ABI3BP: variants seen among roughly 807,000 people sequenced by gnomAD.
ABI3BP encodes ABI family member 3 binding protein.
In ABI3BP, 216 loss-of-function variants were observed where a neutral mutation model predicts 268.6. That is an observed-to-expected ratio of 0.80 (90% CI 0.72 to 0.90). The LOEUF is 0.90. Ranked by LOEUF, ABI3BP falls within the 40% of genes least tolerant of loss-of-function variation. ABI3BP has a pLI of 0.00. For missense variants in ABI3BP, 2,090 were observed against 2,182.4 expected, an observed-to-expected ratio of 0.96 and a Z score of 0.84; for synonymous variants, 730 against 730.0, an observed-to-expected ratio of 1.00 and a Z score of 0.00.
intron 1 of ABI3BP, among the ~76,000 whole-genome samples, chr3:100,943,251 T>C (rs2070367549): frequency 6.6e-6 from 1 of 152,128 alleles, no homozygotes; most frequent in Non-Finnish European, 1.5e-5. Context: ...TCATTTATCA[T>C]GTACATTTCC....
At position 100,851,940 on chromosome 3, in the gene ABI3BP, G is replaced by C. The variant is rs776202974; in HGVS notation, c.1286C>G (p.Ala429Gly). 7 of 1,398,836 alleles carry C rather than the reference G, an allele frequency of 5.0e-6. No homozygotes were observed. Among genetic ancestry groups the C allele is most frequent in the Non-Finnish European group, 5.7e-6 (6 of 1,046,418 alleles). 86.7% of individuals were successfully genotyped at this position (1,398,836 alleles called of 1,614,324 possible). The change falls in exon 15 of 68, where the codon GCA becomes GGA. Residue 429 changes from alanine (A) to glycine (G), a missense_variant and splice_region_variant. Transcript: ENST00000471714. ...AGGGCTTGAGAAAACATCATAAGTTGCTTAAAAAAAAAAAAAAGGCAAAAC... is the reference window on the plus strand; with the variant it reads ...AGGGCTTGAGAAAACATCATAAGTTCCTTAAAAAAAAAAAAAAGGCAAAAC... ...EDSKVLQPQT[A>G]TYDVFSSPTT...
At chr3:100,959,418 A>G (rs1463293576) in intron 1 of ABI3BP, among the ~76,000 whole-genome samples, 1 of 131,824 alleles carries the variant, frequency 7.6e-6, no homozygotes, top group African/African-American at 2.9e-5. Context: ...TGAACCCGGG[A>G]GGCGGAGCTT....
intron 34 of ABI3BP, 60 bp from the exon 35 acceptor site, chr3:100,825,904 C>T: frequency 8.1e-7 from 1 of 1,234,858 alleles, no homozygotes; most frequent in Non-Finnish European, 1.1e-6. Flanking sequence ...ATAGTATTCA[C>T]ATCAAAACGT....
chr3:100,800,122 C>T (rs563266726), intron 51 of ABI3BP, among the ~76,000 whole-genome samples: 1 of 152,250 alleles, frequency 6.6e-6, no homozygotes, highest in East Asian at 1.9e-4. Flanking sequence ...GCATTATTCC[C>T]TTAGTTTCCT....
At chr3:100,768,242 C>A (rs1327346551) in intron 62 of ABI3BP, among the ~76,000 whole-genome samples, 1 of 152,066 alleles carries the variant, frequency 6.6e-6, no homozygotes, top group Non-Finnish European at 1.5e-5. Flanking sequence ...GCGCCCGCCA[C>A]CACACCCGGC....
chr3:100,781,938 G>T (rs2096877252), intron 57 of ABI3BP, among the ~76,000 whole-genome samples: 1 of 152,156 alleles, frequency 6.6e-6, no homozygotes, highest in Non-Finnish European at 1.5e-5. Context: ...GGAAGCAGTG[G>T]GATTCAGGCC....
chr3:100,864,767 G>C, intron 11 of ABI3BP, 66 bp downstream of exon 11: 1 of 1,232,440 alleles, frequency 8.1e-7, no homozygotes, highest in Non-Finnish European at 1.1e-6. Flanking sequence ...TCTTTTCTGT[G>C]AGTCCTGGGA....
intron 1 of ABI3BP, among the ~76,000 whole-genome samples, chr3:100,947,897 T>C (rs1274539452): frequency 2.0e-5 from 3 of 152,142 alleles, no homozygotes; most frequent in Admixed American, 6.5e-5. Flanking sequence ...AAACCTTCAA[T>C]AGCTCCATAA....
chr3:100,789,535 T>G lies in ABI3BP; in HGVS notation c.4025-19A>C. ...TGTGGCGCTGAAACAGAGGAACACT[T>G]TATATTTAATAACCAACAGACCAAA... On this transcript the variant is annotated intron_variant, in intron 55 of 67. Transcript: ENST00000471714. 1 of 1,574,510 alleles carries G rather than the reference T, an allele frequency of 6.4e-7. No homozygotes were observed. Among genetic ancestry groups the G allele is most frequent in the South Asian group, 1.2e-5 (1 of 85,800 alleles).
chr3:100,831,453 A>G (rs905933087), intron 31 of ABI3BP, among the ~76,000 whole-genome samples: 5 of 152,162 alleles, frequency 3.3e-5, no homozygotes, highest in African/African-American at 1.2e-4. Flanking sequence ...ATACAGCTTT[A>G]CTTAACATAA....
chr3:100,965,434 A>T (rs1230462735), intron 1 of ABI3BP, among the ~76,000 whole-genome samples: 1 of 152,116 alleles, frequency 6.6e-6, no homozygotes, highest in East Asian at 1.9e-4. Flanking sequence ...TTATTGCTAA[A>T]CCAAAGTACA....
intron 1 of ABI3BP, among the ~76,000 whole-genome samples, chr3:100,951,631 C>A (rs1402683743): frequency 6.6e-6 from 1 of 151,936 alleles, no homozygotes; most frequent in Non-Finnish European, 1.5e-5. Flanking sequence ...TATGATGTGT[C>A]ACAGTCCTAG....
At chr3:100,775,732 G>A (rs1272084047) in intron 59 of ABI3BP, among the ~76,000 whole-genome samples, 3 of 152,164 alleles carry the variant, frequency 2.0e-5, no homozygotes, top group Admixed American at 6.5e-5. Flanking sequence ...CAAGAAACAT[G>A]TCAGGGAAGC....
At chr3:100,902,569 A>G (rs2153503380) in intron 3 of ABI3BP, 49 bp downstream of exon 3, 2 of 1,568,898 alleles carry the variant, frequency 1.3e-6, no homozygotes, top group Non-Finnish European at 1.7e-6. Context: ...ATGAAAAGTC[A>G]TGGTTCAAAG....
chr3:100,925,570 G>A (rs1390233425), intron 2 of ABI3BP, among the ~76,000 whole-genome samples: 6 of 151,808 alleles, frequency 4.0e-5, no homozygotes, highest in Non-Finnish European at 5.9e-5. Flanking sequence ...GTGAGCTACC[G>A]TGCCTGGTAA....
chr3:100,790,846 A>G (rs1198409004), intron 55 of ABI3BP, among the ~76,000 whole-genome samples: 1 of 151,926 alleles, frequency 6.6e-6, no homozygotes, highest in East Asian at 1.9e-4. Context: ...CTCATTCTAG[A>G]ATATGTATAA....
At chr3:100,818,275 A>G (rs1460990456) in intron 41 of ABI3BP, among the ~76,000 whole-genome samples, 4 of 152,192 alleles carry the variant, frequency 2.6e-5, no homozygotes, top group African/African-American at 9.7e-5. Flanking sequence ...TGCTCTTTAA[A>G]CGAATGCACA....
chr3:100,911,905 C>A, intron 2 of ABI3BP: 1 of 1,441,288 alleles, frequency 6.9e-7, no homozygotes, highest in Non-Finnish European at 9.8e-7. Flanking sequence ...CAACCTATCA[C>A]ATTCTTTTTG....
rs1054970377 is a variant in ABI3BP at position 100,795,389 on chromosome 3, A to G, written c.3866-386T>C. ...ATCATCTCCTTGAGTCTGCTTGAGT[A>G]GACTCAAGTAACAAATCACTGGGAA... On this transcript the variant is annotated intron_variant, in intron 53 of 67. Transcript: ENST00000471714. 6.6e-5 allele frequency among the ~76,000 whole-genome samples: 10 copies of G among 152,206 alleles called. 1 individual carries two copies. Among genetic ancestry groups the G allele is most frequent in the African/African-American group, 2.4e-4 (10 of 41,562 alleles).
Sources: gnomAD v4.1 joint callset for allele counts (sites outside exome capture counted in the v4.1 genomes callset) on GRCh38, gnomAD v4.1.1 for gene constraint, MANE v1.5 for transcripts, NCBI Gene and HGNC (gene_info 2026-07-23, HGNC 2026-07-21) for gene names.